POLR1D: variants seen among roughly 807,000 people sequenced by gnomAD.
The protein encoded by POLR1D is DNA-directed RNA polymerases I and III subunit RPAC2.
Under a neutral mutation model 10.8 loss-of-function variants are expected in POLR1D, and 8 were observed. The ratio of observed to expected loss-of-function variants is 0.74; its 90% CI spans 0.43 to 1.33. The LOEUF (loss-of-function observed/expected upper bound fraction) is 1.33. Among genes scored for constraint, POLR1D ranks in the 40% most tolerant of loss-of-function variants. The pLI is 0.01. For synonymous variants in POLR1D, 54 were observed against 57.2 expected, an observed-to-expected ratio of 0.94 and a Z score of 0.25; for missense variants, 152 against 161.7, an observed-to-expected ratio of 0.94 and a Z score of 0.32.
intron 1 of POLR1D, among the ~76,000 whole-genome samples, chr13:27,633,369 T>C (rs1428916692): frequency 1.3e-5 from 2 of 152,230 alleles, no homozygotes; most frequent in East Asian, 1.9e-4. Context: ...TCTACCCATA[T>C]ACCTACTGTG....
chr13:27,640,928 CTAT>C (rs1245919460), intron 1 of POLR1D, among the ~76,000 whole-genome samples: 1 of 152,070 alleles, frequency 6.6e-6, no homozygotes, highest in Non-Finnish European at 1.5e-5. Flanking sequence ...CCTAAGTAAT[CTAT>C]TATTACTAAT....
upstream of POLR1D, chr13:27,621,869 C>T (rs1025997243): frequency 2.8e-5 from 31 of 1,126,396 alleles, no homozygotes; most frequent in South Asian, 2.8e-4. Context: ...TCCTTCCGTC[C>T]TCCGCGCCTT....
chr13:27,629,978 C>G (rs531848711), intron 1 of POLR1D, among the ~76,000 whole-genome samples: 3 of 152,160 alleles, frequency 2.0e-5, no homozygotes, highest in Non-Finnish European at 4.4e-5. Flanking sequence ...GTGGCGCGAT[C>G]TTGGCTCACT....
downstream of POLR1D, among the ~76,000 whole-genome samples, chr13:27,626,294 T>C (rs1319018786): frequency 6.6e-6 from 1 of 152,180 alleles, no homozygotes; most frequent in Admixed American, 6.5e-5. Flanking sequence ...TGATAGTAGA[T>C]GAAGTACAGT....
At chr13:27,638,103 G>A (rs1456091121) in intron 1 of POLR1D, among the ~76,000 whole-genome samples, 2 of 152,288 alleles carry the variant, frequency 1.3e-5, no homozygotes, top group African/African-American at 4.8e-5. Context: ...GAAAATGCCT[G>A]GTGATCAAGA....
chr13:27,636,760 C>T (rs1015618609), intron 1 of POLR1D, among the ~76,000 whole-genome samples: 10 of 152,254 alleles, frequency 6.6e-5, no homozygotes, highest in South Asian at 6.2e-4. Flanking sequence ...TTTTCCCCTG[C>T]GGTCTCAATT....
At chr13:27,622,052 G>C (rs1232635766) in intron 1 of POLR1D, 43 bp downstream of exon 1, 2 of 1,551,282 alleles carry the variant, frequency 1.3e-6, no homozygotes. Context: ...CCGCGCCCAA[G>C]GGGAGCGGGT....
chr13:27,633,735 T>A (rs1385689682), intron 1 of POLR1D, among the ~76,000 whole-genome samples: 5 of 152,192 alleles, frequency 3.3e-5, no homozygotes, highest in Non-Finnish European at 7.3e-5. Context: ...TTCATTGGAA[T>A]TCAGATTTCA....
downstream of POLR1D, among the ~76,000 whole-genome samples, chr13:27,625,055 A>G (rs1418802054): frequency 6.6e-6 from 1 of 152,176 alleles, no homozygotes; most frequent in Non-Finnish European, 1.5e-5. Context: ...GAGAAAATGC[A>G]TTCTGGGGGT....
chr13:27,647,415 G>T (rs948292746), intron 1 of POLR1D, among the ~76,000 whole-genome samples: 1 of 151,714 alleles, frequency 6.6e-6, no homozygotes, highest in African/African-American at 2.4e-5. Flanking sequence ...TAGAGACCAG[G>T]TCTTGCTATG....
At chr13:27,630,298 A>C (rs1041858304) in intron 1 of POLR1D, among the ~76,000 whole-genome samples, 4 of 152,190 alleles carry the variant, frequency 2.6e-5, no homozygotes, top group African/African-American at 9.7e-5. Context: ...TCTAAGTTTT[A>C]CCTTCCTGAC....
intron 1 of POLR1D, among the ~76,000 whole-genome samples, chr13:27,639,984 C>T (rs142955771): frequency 0.011 from 1,641 of 152,254 alleles, 27 homozygotes; most frequent in African/African-American, 0.038. Context: ...GTTCACATCC[C>T]AGGCCGTATC....
intron 2 of POLR1D, chr13:27,650,312 G>T (rs953018674): frequency 1.4e-5 from 5 of 363,844 alleles, no homozygotes; most frequent in Non-Finnish European, 2.0e-5. Context: ...TGCCAAGCAA[G>T]GAAGCTCACC....
At chr13:27,627,826 G>A (rs1029803852), downstream of POLR1D, among the ~76,000 whole-genome samples, 1 of 146,328 alleles carries the variant, frequency 6.8e-6, no homozygotes, top group African/African-American at 2.5e-5. Flanking sequence ...ATTTGTAATA[G>A]TCCAGGTATA....
intron 2 of POLR1D, chr13:27,664,921 C>T (rs916545703): frequency 2.6e-5 from 4 of 152,182 alleles, no homozygotes; most frequent in African/African-American, 7.2e-5. Context: ...TGTATAGGGT[C>T]ATCTTTTTGA....
Position 27,623,428 on chromosome 13 carries a change from T to C in POLR1D, c.*178T>C. 7.3e-7 allele frequency: 1 copy of C among 1,362,268 alleles called. No homozygotes were observed. The highest frequency in any genetic ancestry group is 9.6e-7 in the Non-Finnish European group (1 of 1,042,790). The allele number at this position is 1,362,268 out of a possible 1,614,324, so 84.4% of individuals were successfully genotyped here. A position where few individuals can be genotyped will look rare whatever the true frequency, so the allele number is the denominator to read the frequency against. On this transcript the variant is annotated 3_prime_UTR_variant, in exon 2 of 2. Transcript: ENST00000302979. ...TGCAAGAACCTCTGTATTCTTCTAA[T>C]AAATTCCCTCTTTTATTTAAACTAG... is the stretch of plus-strand genomic sequence containing the variant.
chr13:27,638,107 A>C (rs866680211), intron 1 of POLR1D, among the ~76,000 whole-genome samples: 2 of 152,234 alleles, frequency 1.3e-5, no homozygotes, highest in African/African-American at 4.8e-5. Flanking sequence ...ATGCCTGGTG[A>C]TCAAGATGAG....
chr13:27,624,224 T>C (rs927352537), downstream of POLR1D, among the ~76,000 whole-genome samples: 1 of 152,228 alleles, frequency 6.6e-6, no homozygotes, highest in Non-Finnish European at 1.5e-5. Flanking sequence ...GGTACTTCTT[T>C]GTGCTTTCAT....
downstream of POLR1D, among the ~76,000 whole-genome samples, chr13:27,625,810 G>T (rs56718668): frequency 0.022 from 3,394 of 152,276 alleles, 142 homozygotes; most frequent in African/African-American, 0.077. Context: ...CAAAAATAGG[G>T]TGTGGAAGCC....
Sources: gnomAD v4.1 joint callset for allele counts (sites outside exome capture counted in the v4.1 genomes callset) on GRCh38, gnomAD v4.1.1 for gene constraint, MANE v1.5 for transcripts, NCBI Gene and HGNC (gene_info 2026-07-23, HGNC 2026-07-21) for gene names.